LTBR: variants seen among roughly 807,000 people sequenced by gnomAD.
LTBR encodes tumor necrosis factor receptor superfamily member 3.
Under a neutral mutation model 45.4 loss-of-function variants are expected in LTBR, and 15 were observed. The observed-to-expected ratio is 0.33, with a 90% CI of 0.22 to 0.51. The LOEUF is 0.51. Ranked by LOEUF, LTBR falls within the 20% of genes least tolerant of loss-of-function variation. The probability of loss-of-function intolerance (pLI) is 0.97; values close to 1 mark genes in which losing one functional copy is unlikely to be tolerated. For missense variants in LTBR, 450 were observed against 565.5 expected, an observed-to-expected ratio of 0.80 and a Z score of 2.07; for synonymous variants, 228 against 231.0, an observed-to-expected ratio of 0.99 and a Z score of 0.12.
Position 6,391,048 on chromosome 12 carries a change from G to A in LTBR, c.*111G>A, listed in dbSNP as rs1054707370. The A allele has an allele frequency of 8.4e-7, 1 of 1,183,440 alleles. No homozygotes were observed. The highest frequency in any genetic ancestry group is 1.6e-5 in the African/African-American group (1 of 63,712). 73.3% of individuals were successfully genotyped at this position (1,183,440 alleles called of 1,614,324 possible). On this transcript the variant is annotated 3_prime_UTR_variant, in exon 10 of 10. Coordinates refer to ENST00000228918, the MANE Select transcript of LTBR (RefSeq NM_002342.3). ...CCTGAGTAGGGCCCGGGGAAGCAGA[G>A]CCCTAAGGGATTAAGGCTCAGACAC...
rs1949015368 is a variant in LTBR at position 6,384,473 on chromosome 12, A to G, written c.96+19A>G. On this transcript the variant is annotated intron_variant, in intron 1 of 9. Transcript: ENST00000228918. ...CCAGGCGGTGAGGAAGGGGCCTGGT[A>G]GGAGTGGGCGAGGGTGGGCAAGAGG... 4 of 1,569,272 alleles carry G rather than the reference A, an allele frequency of 2.5e-6. No individual in the cohort carries two copies. The highest frequency in any genetic ancestry group is 1.7e-4 in the Middle Eastern group (1 of 6,028).
intron 8 of LTBR, 131 bp from the exon 9 acceptor site, chr12:6,389,981 A>AAGAG (rs969223155): frequency 3.2e-6 from 2 of 627,630 alleles, no homozygotes; most frequent in East Asian, 2.8e-5. Context: ...GAGAGAGAGA[A>AAGAG]AGAGAGAGAG....
At chr12:6,380,604 C>T (rs1852871951), upstream of LTBR, among the ~76,000 whole-genome samples, 1 of 151,738 alleles carries the variant, frequency 6.6e-6, no homozygotes. Flanking sequence ...CCAGGAAAAT[C>T]ACTTGAACCT....
intron 8 of LTBR, 131 bp from the exon 9 acceptor site, chr12:6,389,977 GAGAA>G (rs1949092046): frequency 3.0e-6 from 2 of 670,342 alleles, no homozygotes; most frequent in South Asian, 3.6e-5. Flanking sequence ...AAGAGAGAGA[GAGAA>G]AGAGAGAGAG....
chr12:6,384,230 G>T lies in LTBR; in HGVS notation c.-129G>T. The T allele has an allele frequency of 1.5e-6, 2 of 1,360,940 alleles. No individual in the cohort carries two copies. The highest frequency in any genetic ancestry group is 1.9e-6 in the Non-Finnish European group (2 of 1,062,108). 84.3% of individuals were successfully genotyped at this position (1,360,940 alleles called of 1,614,324 possible). ...GCCTGGCCGCTCCCGGCCCTGGGGT[G>T]CACATCGGCCCTGAGTCCCGTCCCA... On this transcript the variant is annotated 5_prime_UTR_variant, in exon 1 of 10. Coordinates refer to ENST00000228918, the MANE Select transcript of LTBR (RefSeq NM_002342.3).
upstream of LTBR, chr12:6,375,356 G>A (rs1281181413): frequency 4.1e-6 from 6 of 1,450,172 alleles, no homozygotes; most frequent in African/African-American, 2.9e-5. Flanking sequence ...CCCTGACCTC[G>A]AGCTGTGTCC....
chr12:6,390,261 G>C lies in LTBR; in HGVS notation c.951G>C (p.Gly317=). The change falls in exon 9 of 10, where the codon GGG becomes GGC. Residue 317 remains glycine (G), a synonymous_variant. Coordinates refer to ENST00000228918, the MANE Select transcript of LTBR (RefSeq NM_002342.3). ...GLPAAPVLEA[G]VPQQQSPLDL... ...CCGCAGCCCCAGTTTTGGAGGCAGGGGTGCCGCAACAGCAGAGTCCTCTGG... is the reference window on the plus strand; with the variant it reads ...CCGCAGCCCCAGTTTTGGAGGCAGGCGTGCCGCAACAGCAGAGTCCTCTGG... The C allele has an allele frequency of 6.2e-7, 1 of 1,614,058 alleles. No homozygotes were observed. The highest frequency in any genetic ancestry group is 8.5e-7 in the Non-Finnish European group (1 of 1,180,010).
exon 1 of LTBR, chr12:6,375,468 A>G (rs1948888226): frequency 6.5e-7 from 1 of 1,535,246 alleles, no homozygotes; most frequent in African/African-American, 1.4e-5. Flanking sequence ...GTTCCTTTCC[A>G]GTTGAATCTG....
chr12:6,380,519 A>G (rs1008137439), upstream of LTBR, among the ~76,000 whole-genome samples: 1 of 152,066 alleles, frequency 6.6e-6, no homozygotes, highest in African/African-American at 2.4e-5. Flanking sequence ...CACCATCTCT[A>G]CTAAAAATAC....
Position 6,388,044 on chromosome 12 carries a change from C to T in LTBR, c.668-354C>T. The T allele has an allele frequency of 8.3e-6, 3 of 361,156 alleles. No homozygotes were observed. Among genetic ancestry groups the T allele is most frequent in the South Asian group, 2.1e-5 (1 of 47,012 alleles). The allele number at this position is 361,156 out of a possible 1,614,324, so 22.4% of individuals were successfully genotyped here. ...CCACCCTTCCCTACTGTCTCCCAATCCCACTTCCAGACCTTGAAAATCAAC... is the reference window on the plus strand; with the variant it reads ...CCACCCTTCCCTACTGTCTCCCAATTCCACTTCCAGACCTTGAAAATCAAC... On this transcript the variant is annotated intron_variant, in intron 6 of 9. Transcript: ENST00000228918. This position sits in a 1 kb window ranked among gnomAD's most constrained non-coding sequence, Gnocchi z 4.3.
Position 6,388,870 on chromosome 12 carries a change from TG to T in LTBR, c.801+46del, listed in dbSNP as rs752322190. 6.2e-7 allele frequency: 1 copy of T among 1,612,380 alleles called. No homozygotes were observed. The highest frequency in any genetic ancestry group is 1.1e-5 in the South Asian group (1 of 90,982). Reference sequence around the variant, plus strand: ...AGGCAGCAAGAAGGGGAAGAGGTGATGAGGGTACAAGGTGGAGCAGACAGGA... The same window carrying T: ...AGGCAGCAAGAAGGGGAAGAGGTGATAGGGTACAAGGTGGAGCAGACAGGA... On this transcript the variant is annotated intron_variant, in intron 8 of 9. Coordinates refer to ENST00000228918, the MANE Select transcript of LTBR (RefSeq NM_002342.3). The surrounding 1 kb of genome is among the most constrained non-coding windows in gnomAD (Gnocchi z 4.3).
Position 6,384,257 on chromosome 12 carries a change from G to C in LTBR, c.-102G>C, listed in dbSNP as rs1288328537. The C allele has an allele frequency of 7.1e-7, 1 of 1,415,278 alleles. No individual in the cohort carries two copies. The highest frequency in any genetic ancestry group is 2.6e-5 in the East Asian group (1 of 37,888). 87.7% of individuals were successfully genotyped at this position (1,415,278 alleles called of 1,614,324 possible). ...ACATCGGCCCTGAGTCCCGTCCCAG[G>C]CTCTGGGCTCGGGCAGCCGCCGCCA... is the stretch of plus-strand genomic sequence containing the variant. On this transcript the variant is annotated 5_prime_UTR_variant, in exon 1 of 10. Transcript: ENST00000228918.
At position 6,388,957 on chromosome 12, in the gene LTBR, T is replaced by A. The variant is rs1379886869; in HGVS notation, c.801+132T>A. 1 of 1,143,608 alleles carries A rather than the reference T, an allele frequency of 8.7e-7. No homozygotes were observed. The highest frequency in any genetic ancestry group is 2.4e-5 in the East Asian group (1 of 41,524). The allele number at this position is 1,143,608 out of a possible 1,614,324, so 70.8% of individuals were successfully genotyped here. A position where few individuals can be genotyped will look rare whatever the true frequency, so the allele number is the denominator to read the frequency against. On this transcript the variant is annotated intron_variant, in intron 8 of 9. Transcript: ENST00000228918. The surrounding 1 kb of genome is among the most constrained non-coding windows in gnomAD (Gnocchi z 4.3). ...CATTCAACTGATGATTTACTGAACATGCCACGTACCAGGCACTGTCCTAGG... is the reference window on the plus strand; with the variant it reads ...CATTCAACTGATGATTTACTGAACAAGCCACGTACCAGGCACTGTCCTAGG...
In LTBR at chr12:6,390,755, G is replaced by A; in HGVS notation, c.1126G>A (p.Gly376Arg). Residue 376 changes from glycine to arginine, a missense_variant, in exon 10 of 10, where the codon GGA becomes AGA. Around this residue, in one of 3 missense-constraint regions of LTBR, gnomAD observed 71 missense variants for 90.4 expected, o/e 0.79. Transcript: ENST00000228918. Reference protein sequence around the residue: ...GPVLGGPPGPGDLPATPEPPY... With the variant: ...GPVLGGPPGPRDLPATPEPPY... ...AGTACTGGGGGGACCACCGGGTCCT[G>A]GAGACCTCCCAGCTACCCCCGAACC... 1 of 1,573,610 alleles carries A rather than the reference G, an allele frequency of 6.4e-7. No individual in the cohort carries two copies. The highest frequency in any genetic ancestry group is 8.6e-7 in the Non-Finnish European group (1 of 1,160,392).
chr12:6,377,832 G>A (rs2136920624), intron 1 of LTBR: 1 of 438,116 alleles, frequency 2.3e-6, no homozygotes, highest in Middle Eastern at 3.4e-4. Flanking sequence ...AGGGCTCTGT[G>A]AGAAGAATTG....
In LTBR at chr12:6,388,349, T is replaced by C; in HGVS notation, c.668-49T>C. The C allele has an allele frequency of 7.2e-7, 1 of 1,395,364 alleles. No homozygotes were observed. The highest frequency in any genetic ancestry group is 1.0e-6 in the Non-Finnish European group (1 of 982,886). 86.4% of individuals were successfully genotyped at this position (1,395,364 alleles called of 1,614,324 possible). ...AAAGCTCTTCCTTCTCCTCCTCCCC[T>C]CTGCCCTTCTTGGGGCTGTGATCAC... On this transcript the variant is annotated intron_variant, in intron 6 of 9. Transcript: ENST00000228918. The surrounding 1 kb of genome is among the most constrained non-coding windows in gnomAD (Gnocchi z 4.3).
In LTBR at chr12:6,384,222, C is replaced by A; in HGVS notation, c.-137C>A. 1 of 1,352,382 alleles carries A rather than the reference C, an allele frequency of 7.4e-7. No individual in the cohort carries two copies. Among genetic ancestry groups the A allele is most frequent in the African/African-American group, 1.5e-5 (1 of 65,196 alleles). The allele number at this position is 1,352,382 out of a possible 1,614,324, so 83.8% of individuals were successfully genotyped here. On this transcript the variant is annotated 5_prime_UTR_variant, in exon 1 of 10. Coordinates refer to ENST00000228918, the MANE Select transcript of LTBR (RefSeq NM_002342.3). ...GAGGCCCGGCCTGGCCGCTCCCGGC[C>A]CTGGGGTGCACATCGGCCCTGAGTC...
At chr12:6,377,151 C>A in intron 1 of LTBR, 1 of 947,658 alleles carries the variant, frequency 1.1e-6, no homozygotes, top group South Asian at 1.6e-5. Context: ...GGCTCAGGGT[C>A]CAACCTGGTC....
At position 6,384,450 on chromosome 12, in the gene LTBR, A is replaced by T; in HGVS notation, c.92A>T (p.Gln31Leu). Reference protein sequence around the residue: ...LFGLLAASQPQAVPPYASENQ... With the variant: ...LFGLLAASQPLAVPPYASENQ... ...GGGCTCCTGGCAGCATCGCAGCCCC[A>T]GGCGGTGAGGAAGGGGCCTGGTAGG... is the stretch of plus-strand genomic sequence containing the variant. Residue 31 changes from glutamine (Q) to leucine (L), a missense_variant, in exon 1 of 10, where the codon CAG becomes CTG. Transcript: ENST00000228918. 6.4e-7 allele frequency: 1 copy of T among 1,555,330 alleles called. No individual in the cohort carries two copies. The highest frequency in any genetic ancestry group is 1.2e-5 in the South Asian group (1 of 85,140).
Sources: allele counts gnomAD v4.1 joint callset (sites outside exome capture counted in the v4.1 genomes callset), GRCh38; gene constraint gnomAD v4.1.1; regional missense constraint gnomAD v4.1.1; non-coding constraint Gnocchi (gnomAD v3.1); transcripts MANE v1.5; gene names NCBI Gene and HGNC (gene_info 2026-07-23, HGNC 2026-07-21).